CCDC66: variants seen among roughly 807,000 people sequenced by gnomAD.
CCDC66 encodes coiled-coil domain-containing protein 66.
CCDC66 carries 133 observed loss-of-function variants against 128.3 expected under a neutral mutation model. The ratio of observed to expected loss-of-function variants is 1.04; its 90% CI spans 0.90 to 1.20. The LOEUF (loss-of-function observed/expected upper bound fraction) is 1.20, where lower values mean the gene tolerates loss of function less well. Ranked by LOEUF, CCDC66 falls within the 50% of genes most tolerant of loss-of-function variation. The probability of loss-of-function intolerance (pLI) is 0.00; values close to 1 mark genes in which losing one functional copy is unlikely to be tolerated. For synonymous variants in CCDC66, 387 were observed against 357.0 expected, an observed-to-expected ratio of 1.08 and a Z score of -0.95; for missense variants, 1,126 against 1,075.5, an observed-to-expected ratio of 1.05 and a Z score of -0.66.
chr3:56,597,878 G>A lies in CCDC66; in HGVS notation c.1404+3850G>A, dbSNP rs1273210748. 4.1e-5 allele frequency among the ~76,000 whole-genome samples: 6 copies of A among 145,238 alleles called. No individual in the cohort carries two copies. The Admixed American group carries it at 4.4e-4, about 11-fold the overall frequency. On this transcript the variant is annotated intron_variant, in intron 10 of 17. Coordinates refer to ENST00000394672, the MANE Select transcript of CCDC66 (RefSeq NM_001141947.3). ...CAACCTCTGCCTCACAGGTTCAAGCGATTCTCCTGCCTCAGCCTTCCAAGT... is the reference window on the plus strand; with the variant it reads ...CAACCTCTGCCTCACAGGTTCAAGCAATTCTCCTGCCTCAGCCTTCCAAGT...
intron 7 of CCDC66, among the ~76,000 whole-genome samples, chr3:56,582,768 C>T (rs2068624701): frequency 2.6e-5 from 4 of 151,068 alleles, no homozygotes; most frequent in African/African-American, 7.3e-5. Flanking sequence ...CTTCGATCTA[C>T]ATTAATGCTC....
At chr3:56,596,921 A>ATTTT (rs34101943) in intron 10 of CCDC66, among the ~76,000 whole-genome samples, 1 of 132,300 alleles carries the variant, frequency 7.6e-6, no homozygotes, top group Non-Finnish European at 1.6e-5. Flanking sequence ...CACCTGGCTA[A>ATTTT]TTTTTTTTTT....
intron 7 of CCDC66, among the ~76,000 whole-genome samples, chr3:56,579,213 C>G (rs2067905259): frequency 6.6e-6 from 1 of 151,806 alleles, no homozygotes; most frequent in Non-Finnish European, 1.5e-5. Context: ...TTATAGTATT[C>G]TCTGATGTTA....
chr3:56,584,211 C>T (rs1391573678), intron 7 of CCDC66, among the ~76,000 whole-genome samples: 9 of 149,564 alleles, frequency 6.0e-5, no homozygotes, highest in African/African-American at 2.2e-4. Context: ...CCTCACTTCC[C>T]AGACGGGGTG....
chr3:56,566,647 A>G lies in CCDC66; in HGVS notation c.598A>G (p.Ile200Val), dbSNP rs771507516. The G allele has an allele frequency of 3.3e-5, 53 of 1,601,970 alleles. No individual in the cohort carries two copies. The highest frequency in any genetic ancestry group is 4.4e-5 in the Non-Finnish European group (52 of 1,169,218). The change falls in exon 5 of 18, where the codon ATT (isoleucine) becomes GTT (valine). Residue 200 changes from isoleucine (I) to valine (V), a missense_variant. Coordinates refer to ENST00000394672, the MANE Select transcript of CCDC66 (RefSeq NM_001141947.3). ...TTCTAATCAGCCAAAGGATGAGAAC[A>G]TTATGGGATTATTCAAAAAAACTGA... ...SISNQPKDEN[I>V]MGLFKKTEMV...
intron 7 of CCDC66, among the ~76,000 whole-genome samples, chr3:56,582,561 A>C (rs1344751112): frequency 6.6e-6 from 1 of 150,800 alleles, no homozygotes; most frequent in African/African-American, 2.4e-5. Context: ...ACCCTTTAAG[A>C]ATTGTTCTTT....
At chr3:56,564,196 G>A in intron 4 of CCDC66, 71 bp downstream of exon 4, 1 of 1,154,282 alleles carries the variant, frequency 8.7e-7, no homozygotes, top group South Asian at 1.6e-5. Context: ...AGATTCATTG[G>A]GTTTTATGTA....
intron 3 of CCDC66, among the ~76,000 whole-genome samples, chr3:56,563,035 A>G (rs1351436919): frequency 6.6e-6 from 1 of 152,156 alleles, no homozygotes; most frequent in Non-Finnish European, 1.5e-5. Context: ...GTGAGCTGAT[A>G]TTAAACAAAT....
intron 1 of CCDC66, 121 bp from the exon 2 acceptor site, chr3:56,558,725 A>G (rs1348365642): frequency 1.0e-5 from 8 of 773,892 alleles, no homozygotes; most frequent in Admixed American, 4.0e-5. Flanking sequence ...TTCGATGTGT[A>G]CAAGATTCCT....
At position 56,562,297 on chromosome 3, in the gene CCDC66, G is replaced by A. The variant is rs140998576; in HGVS notation, c.103-1387G>A. Reference sequence around the variant, plus strand: ...ACTCCTGGGCTCAAGCGATCCTTCCGCCTCAGCCTCCCAGAGTGCTAGGAT... The same window carrying A: ...ACTCCTGGGCTCAAGCGATCCTTCCACCTCAGCCTCCCAGAGTGCTAGGAT... On this transcript the variant is annotated intron_variant, in intron 3 of 17. Transcript: ENST00000394672. Among the ~76,000 whole-genome samples the A allele has an allele frequency of 9.1e-3, 1,387 of 152,090 alleles. 22 individuals carry two copies. The highest frequency in any genetic ancestry group is 0.031 in the African/African-American group (1,297 of 41,492).
chr3:56,558,177 G>A (rs1173750598), intron 1 of CCDC66, among the ~76,000 whole-genome samples: 1 of 151,978 alleles, frequency 6.6e-6, no homozygotes, highest in Non-Finnish European at 1.5e-5. Context: ...CCCTTGACTG[G>A]CTTGCTGGAT....
rs1327312059 is a variant in CCDC66, at chr3:56,574,237, C to T, written c.936+2935C>T. ...ATTAGCTGGACATGGTGGCACGTGC[C>T]TGTAGTCCCAGCTATTTGGGAGGCT... On this transcript the variant is annotated intron_variant, in intron 7 of 17. Transcript: ENST00000394672. Among the ~76,000 whole-genome samples the T allele has an allele frequency of 2.0e-5, 3 of 151,392 alleles. No homozygotes were observed. In the East Asian group the frequency reaches 6.0e-4, roughly 30 times the overall value.
intron 7 of CCDC66, among the ~76,000 whole-genome samples, chr3:56,577,193 T>C (rs1488387188): frequency 1.3e-5 from 2 of 151,932 alleles, no homozygotes; most frequent in Non-Finnish European, 2.9e-5. Context: ...ATTTTTTTCA[T>C]GTGTCTGTTG....
chr3:56,578,729 A>G lies in CCDC66; in HGVS notation c.936+7427A>G, dbSNP rs914317877. 2.6e-5 allele frequency among the ~76,000 whole-genome samples: 4 copies of G among 151,844 alleles called. No homozygotes were observed. In the Admixed American group the frequency reaches 2.6e-4, roughly 10 times the overall value. ...GATTACGTTTATTGATTTGCGTATG[A>G]TGAACCAGCCTTGCATCCCAGATAA... On this transcript the variant is annotated intron_variant, in intron 7 of 17. Transcript: ENST00000394672.
chr3:56,591,595 C>T (rs1424772151), intron 7 of CCDC66, among the ~76,000 whole-genome samples: 2 of 152,160 alleles, frequency 1.3e-5, no homozygotes, highest in African/African-American at 2.4e-5. Flanking sequence ...GGACAATGCT[C>T]GTTTTTCTTT....
chr3:56,602,284 A>G (rs1375660894), intron 10 of CCDC66, among the ~76,000 whole-genome samples: 2 of 152,048 alleles, frequency 1.3e-5, no homozygotes, highest in Non-Finnish European at 2.9e-5. Context: ...ACTGATTTCC[A>G]TATGATGAAC....
intron 7 of CCDC66, among the ~76,000 whole-genome samples, chr3:56,586,403 C>T (rs1332405124): frequency 2.6e-5 from 4 of 151,296 alleles, no homozygotes; most frequent in Admixed American, 1.3e-4. Context: ...TGGTGGCGCA[C>T]GCCTGTAATC....
intron 7 of CCDC66, among the ~76,000 whole-genome samples, chr3:56,589,309 C>A (rs539013856): frequency 4.3e-4 from 66 of 152,116 alleles, no homozygotes; most frequent in African/African-American, 1.5e-3. Context: ...ACTAAAAACC[C>A]AACAAAATAA....
chr3:56,580,411 G>A (rs991770051), intron 7 of CCDC66, among the ~76,000 whole-genome samples: 2 of 151,746 alleles, frequency 1.3e-5, no homozygotes, highest in Non-Finnish European at 2.9e-5. Context: ...TCATGAACAT[G>A]TAAGGTTAAT....
Sources: allele counts gnomAD v4.1 joint callset (sites outside exome capture counted in the v4.1 genomes callset), GRCh38; gene constraint gnomAD v4.1.1; transcripts MANE v1.5; gene names NCBI Gene and HGNC (gene_info 2026-07-23, HGNC 2026-07-21).